BTG4: variants seen among roughly 807,000 people sequenced by gnomAD.
BTG4 encodes the protein protein BTG4.
A neutral mutation model predicts 19.3 loss-of-function variants in BTG4; 10 were observed. That is an observed-to-expected ratio of 0.52 (90% CI 0.32 to 0.88). The LOEUF (loss-of-function observed/expected upper bound fraction) is 0.88, where lower values mean the gene tolerates loss of function less well. Among genes scored for constraint, BTG4 ranks in the 40% least tolerant of loss-of-function variants. The pLI is 0.04. For synonymous variants in BTG4, 91 were observed against 95.7 expected, an observed-to-expected ratio of 0.95 and a Z score of 0.29; for missense variants, 238 against 281.9, an observed-to-expected ratio of 0.84 and a Z score of 1.11.
the BTG4 span, among the ~76,000 whole-genome samples, chr11:111,412,055 C>T: frequency 6.6e-6 from 1 of 152,082 alleles, no homozygotes; most frequent in Admixed American, 6.6e-5. Context: ...TCAGCTGAAT[C>T]CAGTGATTAG....
the BTG4 span, among the ~76,000 whole-genome samples, chr11:111,434,829 G>A: frequency 6.6e-6 from 1 of 152,098 alleles, no homozygotes; most frequent in East Asian, 1.9e-4. Flanking sequence ...AATAAGGAGG[G>A]CAGGGAATCT....
At chr11:111,493,187 G>A (rs924492427), downstream of BTG4, among the ~76,000 whole-genome samples, 1 of 152,086 alleles carries the variant, frequency 6.6e-6, no homozygotes, top group African/African-American at 2.4e-5. Flanking sequence ...CAAAAGAGTC[G>A]AGGTTAGGCT....
chr11:111,479,597 A>G (rs1345265519), intron 5 of BTG4, among the ~76,000 whole-genome samples: 1 of 152,250 alleles, frequency 6.6e-6, no homozygotes, highest in South Asian at 2.1e-4. Flanking sequence ...AATATGATAG[A>G]CTTTCCTTCT....
the BTG4 span, chr11:111,451,284 C>T: frequency 9.2e-5 from 35 of 380,272 alleles, no homozygotes; most frequent in Non-Finnish European, 1.7e-4. Context: ...ATATGACTGG[C>T]GGCGCTTCCG....
the BTG4 span, among the ~76,000 whole-genome samples, chr11:111,445,496 C>T: frequency 6.6e-6 from 1 of 152,144 alleles, no homozygotes; most frequent in African/African-American, 2.4e-5. Flanking sequence ...ATACGTGGCC[C>T]TATAAGGGCA....
chr11:111,425,356 A>G, the BTG4 span, among the ~76,000 whole-genome samples: 2 of 152,122 alleles, frequency 1.3e-5, no homozygotes, highest in African/African-American at 4.8e-5. Flanking sequence ...CAAAAGACAC[A>G]GGAGCCCTGG....
At chr11:111,406,388 T>C in the BTG4 span, among the ~76,000 whole-genome samples, 1 of 152,198 alleles carries the variant, frequency 6.6e-6, no homozygotes, top group Non-Finnish European at 1.5e-5. Flanking sequence ...GCCCACTGGA[T>C]AGGATACAGA....
intron 1 of BTG4, among the ~76,000 whole-genome samples, chr11:111,511,147 A>G (rs1866876696): frequency 6.6e-6 from 1 of 152,240 alleles, no homozygotes; most frequent in Non-Finnish European, 1.5e-5. Flanking sequence ...AATACAAAAT[A>G]CAGTTATTGT....
chr11:111,453,638 C>T, the BTG4 span: 1 of 395,636 alleles, frequency 2.5e-6, no homozygotes, highest in Non-Finnish European at 5.1e-6. Context: ...AACTAGCCAG[C>T]TCCTGCTTCT....
chr11:111,461,207 G>A, the BTG4 span, among the ~76,000 whole-genome samples: 3,255 of 152,230 alleles, frequency 0.021, 110 homozygotes, highest in African/African-American at 0.072. Flanking sequence ...TGTGATAAAA[G>A]GTATGTGATA....
chr11:111,487,262 A>G (rs912312693), intron 5 of BTG4, among the ~76,000 whole-genome samples: 2 of 152,216 alleles, frequency 1.3e-5, no homozygotes, highest in African/African-American at 4.8e-5. Context: ...TGCCATTGTG[A>G]ATAGTGCTGC....
In BTG4 at chr11:111,467,629, G is replaced by A. The variant is rs768535385; in HGVS notation, c.*43C>T. 5.2e-6 allele frequency: 4 copies of A among 761,966 alleles called. 1 individual carries two copies. The East Asian group carries it at 7.5e-5, about 14-fold the overall frequency. 47.2% of individuals were successfully genotyped at this position (761,966 alleles called of 1,614,324 possible). On this transcript the variant is annotated 3_prime_UTR_variant, in exon 6 of 6. Transcript: ENST00000356018. Reference sequence around the variant, plus strand: ...AGCCCAAGGCAGTGCCTTCCAAGGTGCCTTCTTCTACCAGGTGCTGCAAAT... The same window carrying A: ...AGCCCAAGGCAGTGCCTTCCAAGGTACCTTCTTCTACCAGGTGCTGCAAAT...
the BTG4 span, among the ~76,000 whole-genome samples, chr11:111,442,431 G>T: frequency 2.0e-5 from 3 of 151,916 alleles, no homozygotes; most frequent in East Asian, 5.8e-4. Context: ...AGCCAGGGAG[G>T]TGGAGGTTGC....
At chr11:111,403,733 T>G in the BTG4 span, among the ~76,000 whole-genome samples, 1 of 152,134 alleles carries the variant, frequency 6.6e-6, no homozygotes, top group Non-Finnish European at 1.5e-5. Flanking sequence ...TTTGAATAGG[T>G]CCTAAGGAAA....
At chr11:111,392,713 T>C in the BTG4 span, among the ~76,000 whole-genome samples, 3 of 152,182 alleles carry the variant, frequency 2.0e-5, no homozygotes, top group African/African-American at 4.8e-5. Context: ...CCCTCACTGC[T>C]TGGCTCTGAG....
At chr11:111,510,929 C>T (rs1442547305) in intron 1 of BTG4, among the ~76,000 whole-genome samples, 1 of 151,966 alleles carries the variant, frequency 6.6e-6, no homozygotes, top group Non-Finnish European at 1.5e-5. Flanking sequence ...AAGAAGTGTT[C>T]GATATAGTAT....
At chr11:111,392,169 CTTTTTTTTTTTTTT>C in the BTG4 span, among the ~76,000 whole-genome samples, 5,023 of 85,510 alleles carry the variant, frequency 0.059, 206 homozygotes, top group Middle Eastern at 0.29. Context: ...CTGTGATTTT[CTTTTTTTTTTTTTT>C]TTTTTTTTTT....
chr11:111,423,534 G>A, the BTG4 span, among the ~76,000 whole-genome samples: 1 of 152,156 alleles, frequency 6.6e-6, no homozygotes, highest in African/African-American at 2.4e-5. Context: ...ACCTCCCAGA[G>A]AGCTGGCCTA....
chr11:111,423,489 G>A, the BTG4 span, among the ~76,000 whole-genome samples: 1 of 152,170 alleles, frequency 6.6e-6, no homozygotes, highest in African/African-American at 2.4e-5. Flanking sequence ...AGCATCATGT[G>A]CACCAAACCA....
Sources: gnomAD v4.1 joint callset for allele counts (sites outside exome capture counted in the v4.1 genomes callset) on GRCh38, gnomAD v4.1.1 for gene constraint, MANE v1.5 for transcripts, NCBI Gene and HGNC (gene_info 2026-07-23, HGNC 2026-07-21) for gene names.